PGD: variants seen among roughly 807,000 people sequenced by gnomAD.
The protein encoded by PGD is phosphogluconate dehydrogenase.
Under a neutral mutation model 60.4 loss-of-function variants are expected in PGD, and 21 were observed. The observed-to-expected ratio is 0.35, with a 90% confidence interval of 0.25 to 0.50. The LOEUF is 0.50. Among genes scored for constraint, PGD ranks in the 20% least tolerant of loss-of-function variants. The pLI is 0.98. For missense variants in PGD, 477 were observed against 613.1 expected (o/e 0.78, Z 2.34); for synonymous variants, 230 against 235.9 (o/e 0.97, Z 0.23).
chr1:10,400,597 G>C, intron 3 of PGD, 25 bp downstream of exon 3: 1 of 1,574,800 alleles, frequency 6.4e-7, no homozygotes, highest in Non-Finnish European at 8.6e-7. Flanking sequence ...GCTCTCAGCT[G>C]CTACCACGAT....
At chr1:10,419,595 G>A (rs756913508) in intron 12 of PGD, 35 bp from the exon 13 acceptor site, 1 of 1,613,986 alleles carries the variant, frequency 6.2e-7, no homozygotes, top group Non-Finnish European at 8.5e-7. Flanking sequence ...GTGCGCCATG[G>A]ACTGTCCTGA....
intron 4 of PGD, 48 bp downstream of exon 4, chr1:10,403,184 G>A: frequency 1.5e-6 from 2 of 1,342,788 alleles, no homozygotes. Flanking sequence ...GAACATTCTA[G>A]AAAAAAGTGT....
Position 10,420,088 on chromosome 1 carries a change from G to C in PGD, c.*339G>C. 4.3e-6 allele frequency: 1 copy of C among 230,156 alleles called. No individual in the cohort carries two copies. Among genetic ancestry groups the C allele is most frequent in the East Asian group, 1.1e-4 (1 of 9,294 alleles). The allele number at this position is 230,156 out of a possible 1,614,324, so 14.3% of individuals were successfully genotyped here. A position where few individuals can be genotyped will look rare whatever the true frequency, so the allele number is the denominator to read the frequency against. On this transcript the variant is annotated 3_prime_UTR_variant, in exon 13 of 13. Transcript: ENST00000270776. ...CGCACTCTGATCAACTGGAACCTCT[G>C]TATCATGCGGCTGAATTCCCTTTTT...
At chr1:10,399,172 G>A (rs1234479948) in intron 1 of PGD, 47 bp downstream of exon 1, 10 of 1,602,226 alleles carry the variant, frequency 6.2e-6, no homozygotes, top group Non-Finnish European at 8.5e-6. Flanking sequence ...AGCGGGCGGG[G>A]AACTCTTTGG....
chr1:10,418,794 T>G (rs912009180), intron 10 of PGD, 32 bp from the exon 11 acceptor site: 24 of 1,034,544 alleles, frequency 2.3e-5, no homozygotes, highest in Non-Finnish European at 3.1e-5. Flanking sequence ...AAAAAAAGAC[T>G]CATTGCTTTT....
At chr1:10,414,837 A>G in intron 8 of PGD, among the ~76,000 whole-genome samples, 1 of 151,604 alleles carries the variant, frequency 6.6e-6, no homozygotes, top group Non-Finnish European at 1.5e-5. Context: ...TCACGCCTGT[A>G]ATCCCAGCAC....
intron 6 of PGD, among the ~76,000 whole-genome samples, chr1:10,409,992 G>A (rs1323537107): frequency 2.6e-5 from 4 of 152,154 alleles, no homozygotes; most frequent in Non-Finnish European, 5.9e-5. Flanking sequence ...TTAGGACAAA[G>A]TCATGAAGAG....
At position 10,404,182 on chromosome 1, in the gene PGD, G is replaced by C; in HGVS notation, c.352G>C (p.Ala118Pro). The change falls in exon 5 of 13, where the codon GCC (alanine) becomes CCC (proline). Residue 118 changes from alanine to proline, a missense_variant. Physicochemically the swap from Ala to Pro is conservative, Grantham distance 27. Coordinates refer to ENST00000270776, the MANE Select transcript of PGD (RefSeq NM_002631.4). ...TCAGAGACGGTGCCGAGACCTCAAG[G>C]CCAAGGGAATTTTATTTGTGGGGAG... Reference protein sequence around the residue: ...DTTRRCRDLKAKGILFVGSGV... With the variant: ...DTTRRCRDLKPKGILFVGSGV... 6.2e-7 allele frequency: 1 copy of C among 1,613,538 alleles called. No individual in the cohort carries two copies. The highest frequency in any genetic ancestry group is 1.3e-5 in the African/African-American group (1 of 74,998).
chr1:10,400,274 C>T (rs942214974), intron 2 of PGD, 119 bp from the exon 3 acceptor site: 2 of 702,868 alleles, frequency 2.8e-6, no homozygotes, highest in South Asian at 3.8e-5. Flanking sequence ...GAAGAAAAGG[C>T]AAAGGCAGGT....
Position 10,411,401 on chromosome 1 carries a change from G to A in PGD, c.520-17G>A. 1 of 1,612,464 alleles carries A rather than the reference G, an allele frequency of 6.2e-7. No individual in the cohort carries two copies. The highest frequency in any genetic ancestry group is 8.5e-7 in the Non-Finnish European group (1 of 1,179,738). On this transcript the variant is annotated splice_polypyrimidine_tract_variant and intron_variant, in intron 6 of 12. Coordinates refer to ENST00000270776, the MANE Select transcript of PGD (RefSeq NM_002631.4). ...CCTGTTTCTCTGAAGGCCTCTTGGT[G>A]CTTGTTGTCCTGACAGGTGGGAGAT...
In PGD at chr1:10,420,210, G is replaced by T. The variant is rs1134021; in HGVS notation, c.*461G>T. On this transcript the variant is annotated 3_prime_UTR_variant, in exon 13 of 13. Transcript: ENST00000270776. Reference sequence around the variant, plus strand: ...GAGCCATTATCCCCATTGGCAGAAAGATTTTTCTTTAAAAAAAAAGACTAG... The same window carrying T: ...GAGCCATTATCCCCATTGGCAGAAATATTTTTCTTTAAAAAAAAAGACTAG... 6.4e-6 allele frequency: 1 copy of T among 156,282 alleles called. No homozygotes were observed. The highest frequency in any genetic ancestry group is 6.2e-5 in the Admixed American group (1 of 16,230). 9.7% of individuals were successfully genotyped at this position (156,282 alleles called of 1,614,324 possible).
chr1:10,408,047 G>C, intron 5 of PGD, 24 bp from the exon 6 acceptor site: 2 of 1,494,824 alleles, frequency 1.3e-6, no homozygotes, highest in Non-Finnish European at 9.3e-7. Context: ...CTCATTAACT[G>C]AACCACACTG....
At chr1:10,412,847 T>C in intron 7 of PGD, 2 of 512,466 alleles carry the variant, frequency 3.9e-6, no homozygotes, top group Non-Finnish European at 7.0e-6. Flanking sequence ...ACAACACTTC[T>C]GGTGGCCAGA....
intron 1 of PGD, among the ~76,000 whole-genome samples, chr1:10,399,326 C>T (rs1639269161): frequency 6.6e-6 from 1 of 152,180 alleles, no homozygotes; most frequent in Non-Finnish European, 1.5e-5. Context: ...CTCTCGGCCG[C>T]GCAGGCATGG....
chr1:10,408,003 G>T (rs1387285618), intron 5 of PGD, 68 bp from the exon 6 acceptor site: 3 of 891,744 alleles, frequency 3.4e-6, no homozygotes, highest in African/African-American at 3.3e-5. Flanking sequence ...GGGTATGTTG[G>T]TGTCTATGGG....
chr1:10,410,288 A>C (rs564245035), intron 6 of PGD, among the ~76,000 whole-genome samples: 1 of 152,174 alleles, frequency 6.6e-6, no homozygotes. Context: ...CCATGTCTAC[A>C]AAAATTAGCT....
intron 5 of PGD, among the ~76,000 whole-genome samples, chr1:10,404,590 C>T (rs1639369576): frequency 6.6e-6 from 1 of 151,870 alleles, no homozygotes; most frequent in Non-Finnish European, 1.5e-5. Context: ...CCCCCCGTCT[C>T]CTGGGCTCAA....
At chr1:10,402,504 T>G (rs141878416) in intron 3 of PGD, among the ~76,000 whole-genome samples, 1,788 of 151,406 alleles carry the variant, frequency 0.012, 37 homozygotes, top group African/African-American at 0.04. Flanking sequence ...CTGGGCGACA[T>G]GGTGAGACTC....
rs141980297 is a variant in PGD, at chr1:10,405,245, C to T, written c.449+966C>T. Among the ~76,000 whole-genome samples, 98 of 151,658 alleles carry T rather than the reference C, an allele frequency of 6.5e-4. No homozygotes were observed. The East Asian group carries it at 0.018, about 28-fold the overall frequency. On this transcript the variant is annotated intron_variant, in intron 5 of 12. Coordinates refer to ENST00000270776, the MANE Select transcript of PGD (RefSeq NM_002631.4). ...AAAATTAGCCGGGCATGGTGGCGTGCGCCTGTAGTCCCAGCTACTTGGGAG... is the reference window on the plus strand; with the variant it reads ...AAAATTAGCCGGGCATGGTGGCGTGTGCCTGTAGTCCCAGCTACTTGGGAG...
Sources: gnomAD v4.1 joint callset for allele counts (sites outside exome capture counted in the v4.1 genomes callset) on GRCh38, gnomAD v4.1.1 for gene constraint, MANE v1.5 for transcripts, NCBI Gene and HGNC (gene_info 2026-07-23, HGNC 2026-07-21) for gene names.